The following HTR2B variants were observed in gnomAD, a reference collection of about 807,000 sequenced individuals.
The protein encoded by HTR2B is 5-HT 2B receptor.
A neutral mutation model predicts 39.8 loss-of-function variants in HTR2B; 31 were observed. The observed-to-expected ratio is 0.78, with a 90% CI of 0.58 to 1.05. The LOEUF (loss-of-function observed/expected upper bound fraction) is 1.05. Among genes scored for constraint, HTR2B ranks in the 50% least tolerant of loss-of-function variants. The pLI is 0.00. For synonymous variants in HTR2B, 210 were observed against 207.1 expected, an observed-to-expected ratio of 1.01 and a Z score of -0.12; for missense variants, 562 against 578.0, an observed-to-expected ratio of 0.97 and a Z score of 0.28.
Position 231,108,424 on chromosome 2 carries a change from A to C in HTR2B, c.*93T>G. 1.1e-6 allele frequency: 1 copy of C among 872,066 alleles called. No individual in the cohort carries two copies. 54.0% of individuals were successfully genotyped at this position (872,066 alleles called of 1,614,324 possible). A position where few individuals can be genotyped will look rare whatever the true frequency, so the allele number is the denominator to read the frequency against. Reference sequence around the variant, plus strand: ...GGTTAAAGAGATGATTTGATATATGACATAAAATTCTTTATATAATATATT... The same window carrying C: ...GGTTAAAGAGATGATTTGATATATGCCATAAAATTCTTTATATAATATATT... On this transcript the variant is annotated 3_prime_UTR_variant, in exon 4 of 4. Coordinates refer to ENST00000258400, the MANE Select transcript of HTR2B (RefSeq NM_000867.5).
chr2:231,116,547 A>G (rs1027442118), intron 2 of HTR2B, among the ~76,000 whole-genome samples: 3 of 152,046 alleles, frequency 2.0e-5, no homozygotes, highest in Non-Finnish European at 1.5e-5. Flanking sequence ...TCTAGTTGCC[A>G]TAAGCAGGAA....
chr2:231,123,823 A>C lies in HTR2B; in HGVS notation c.-59T>G. 7.8e-7 allele frequency: 1 copy of C among 1,274,296 alleles called. No individual in the cohort carries two copies. Among genetic ancestry groups the C allele is most frequent in the Non-Finnish European group, 1.1e-6 (1 of 871,510 alleles). The allele number at this position is 1,274,296 out of a possible 1,614,324, so 78.9% of individuals were successfully genotyped here. A position where few individuals can be genotyped will look rare whatever the true frequency, so the allele number is the denominator to read the frequency against. On this transcript the variant is annotated 5_prime_UTR_variant, in exon 2 of 4. It introduces an in-frame stop codon into an upstream open reading frame of the 5' UTR. Coordinates refer to ENST00000258400, the MANE Select transcript of HTR2B (RefSeq NM_000867.5). The stretch of plus-strand genomic sequence containing the variant: ...ACAGTGGTCAGCATGGTTAGTAGCT[A>C]AGCTGCTCATCTGTTTTTTTAAGGC...
At chr2:231,112,813 C>T (rs6437000) in intron 3 of HTR2B, among the ~76,000 whole-genome samples, 1 of 151,876 alleles carries the variant, frequency 6.6e-6, no homozygotes, top group African/African-American at 2.4e-5. Flanking sequence ...TTCTTTTATA[C>T]ATAATTTCTG....
intron 2 of HTR2B, among the ~76,000 whole-genome samples, chr2:231,119,904 C>A (rs1052798299): frequency 6.7e-6 from 1 of 148,516 alleles, no homozygotes; most frequent in Non-Finnish European, 1.5e-5. Flanking sequence ...TATAAATAAA[C>A]CAATAACACC....
chr2:231,115,715 AAG>A (rs1695307779), intron 2 of HTR2B, among the ~76,000 whole-genome samples: 1 of 152,142 alleles, frequency 6.6e-6, no homozygotes, highest in South Asian at 2.1e-4. Flanking sequence ...ATATAGAGGT[AAG>A]GAGGGGAGGC....
At chr2:231,117,537 G>A (rs542256585) in intron 2 of HTR2B, among the ~76,000 whole-genome samples, 1 of 152,178 alleles carries the variant, frequency 6.6e-6, no homozygotes, top group East Asian at 1.9e-4. Context: ...AGTCCTAGAT[G>A]GGTCTTGTCT....
chr2:231,114,815 A>C (rs925393328), intron 2 of HTR2B, among the ~76,000 whole-genome samples: 1 of 152,196 alleles, frequency 6.6e-6, no homozygotes, highest in Non-Finnish European at 1.5e-5. Flanking sequence ...ATGTGAATTT[A>C]ATATATTATG....
chr2:231,113,616 G>T, intron 3 of HTR2B, 113 bp downstream of exon 3: 1 of 882,492 alleles, frequency 1.1e-6, no homozygotes, highest in Non-Finnish European at 1.9e-6. Context: ...TGTATCAGTA[G>T]GCTGGCTTGA....
At position 231,124,141 on chromosome 2, in the gene HTR2B, A is replaced by G. The variant is rs17586428; in HGVS notation, c.-366-11T>C. On this transcript the variant is annotated splice_polypyrimidine_tract_variant and intron_variant, in intron 1 of 3. Coordinates refer to ENST00000258400, the MANE Select transcript of HTR2B (RefSeq NM_000867.5). ...GCCAGAGAGTTCCCCCTAGATACAAAATACATAGACTGCATTATTTTATTC... is the reference window on the plus strand; with the variant it reads ...GCCAGAGAGTTCCCCCTAGATACAAGATACATAGACTGCATTATTTTATTC... 26,806 of 239,364 alleles carry G rather than the reference A, an allele frequency of 0.11. 3,378 individuals are homozygous for G. Among genetic ancestry groups the G allele is most frequent in the African/African-American group, 0.36 (15,628 of 43,854 alleles). The allele number at this position is 239,364 out of a possible 1,614,324, so 14.8% of individuals were successfully genotyped here. A position where few individuals can be genotyped will look rare whatever the true frequency, so the allele number is the denominator to read the frequency against.
rs199853398 is a variant in HTR2B, at chr2:231,124,347, C to G, written c.-366-217G>C. 2.0e-4 allele frequency among the ~76,000 whole-genome samples: 30 copies of G among 152,080 alleles called. No individual in the cohort carries two copies. The East Asian group carries it at 5.8e-3, about 29-fold the overall frequency. On this transcript the variant is annotated intron_variant, in intron 1 of 3. Transcript: ENST00000258400. ...GTTATAATAAAAAGTTAGGTGTTTC[C>G]TGACCCTTGAATGTCTTTTTACCTT...
At chr2:231,120,099 G>A (rs1188851251) in intron 2 of HTR2B, among the ~76,000 whole-genome samples, 4 of 151,658 alleles carry the variant, frequency 2.6e-5, no homozygotes, top group South Asian at 2.1e-4. Flanking sequence ...CTACAGGCGC[G>A]TACCACCATG....
rs751593992 is a variant in HTR2B, at chr2:231,113,876, C to T, written c.406G>A (p.Val136Ile). Residue 136 changes from valine to isoleucine, a missense_variant, in exon 3 of 4, where the codon GTT becomes ATT. Physicochemically the swap from Val to Ile is conservative, Grantham distance 29. Transcript: ENST00000258400. ...VLCPAWLFLDVLFSTASIMHL... is the reference protein window; with the variant it reads ...VLCPAWLFLDILFSTASIMHL... ...ATGATGGATGCGGTTGAAAAGAGAA[C>T]GTCAAGAAATAACCAGGCAGGACAT... The T allele has an allele frequency of 1.7e-5, 28 of 1,613,902 alleles. No homozygotes were observed. Among genetic ancestry groups the T allele is most frequent in the Admixed American group, 6.7e-5 (4 of 59,990 alleles).
chr2:231,108,974 A>G lies in HTR2B; in HGVS notation c.989T>C (p.Phe330Ser). 6.2e-7 allele frequency: 1 copy of G among 1,614,192 alleles called. No individual in the cohort carries two copies. Residue 330 changes from phenylalanine (F) to serine (S), a missense_variant, in exon 4 of 4, where the codon TTT becomes TCT. Physicochemically the swap from Phe to Ser is radical, Grantham distance 155. Transcript: ENST00000258400. ...QRASKVLGIV[F>S]FLFLLMWCPF... ...ACACCACATAAGCAAAAAGAGGAAA[A>G]ACACAATCCCTAGGACCTTTGAGGC...
At chr2:231,121,170 T>A (rs1390434496) in intron 2 of HTR2B, among the ~76,000 whole-genome samples, 1 of 152,206 alleles carries the variant, frequency 6.6e-6, no homozygotes, top group Non-Finnish European at 1.5e-5. Flanking sequence ...AACCCCACTA[T>A]ACAACTTATT....
Position 231,109,269 on chromosome 2 carries a change from T to C in HTR2B, c.694A>G (p.Ile232Val), listed in dbSNP as rs1559233887. 1.2e-6 allele frequency: 2 copies of C among 1,614,160 alleles called. No individual in the cohort carries two copies. The highest frequency in any genetic ancestry group is 1.7e-6 in the Non-Finnish European group (2 of 1,180,016). The stretch of plus-strand genomic sequence containing the variant: ...GTGAGAAAGTAGGTGACAATCATAA[T>C]TGCAAGAGGTGTGAAGAAGGCAGCC... Reference protein sequence around the residue: ...SLAAFFTPLAIMIVTYFLTIH... With the variant: ...SLAAFFTPLAVMIVTYFLTIH... Residue 232 changes from isoleucine (I) to valine (V), a missense_variant, in exon 4 of 4, where the codon ATT becomes GTT. Ile to Val is a conservative substitution (Grantham distance 29). Transcript: ENST00000258400.
At chr2:231,113,684 C>A (rs1467680113) in intron 3 of HTR2B, 45 bp downstream of exon 3, 1 of 1,559,548 alleles carries the variant, frequency 6.4e-7, no homozygotes, top group South Asian at 1.1e-5. Context: ...CCAAGTGGAA[C>A]CAAAGATTTT....
At position 231,108,303 on chromosome 2, in the gene HTR2B, G is replaced by T. The variant is rs1695025390; in HGVS notation, c.*214C>A. 1 of 506,798 alleles carries T rather than the reference G, an allele frequency of 2.0e-6. No homozygotes were observed. The highest frequency in any genetic ancestry group is 3.5e-6 in the Non-Finnish European group (1 of 287,484). 31.4% of individuals were successfully genotyped at this position (506,798 alleles called of 1,614,324 possible). A position where few individuals can be genotyped will look rare whatever the true frequency, so the allele number is the denominator to read the frequency against. Reference sequence around the variant, plus strand: ...TACCTTAAAATTTAACCAGAGTGCTGGATTGTTTTCATTTGTAGCTATATA... The same window carrying T: ...TACCTTAAAATTTAACCAGAGTGCTTGATTGTTTTCATTTGTAGCTATATA... On this transcript the variant is annotated 3_prime_UTR_variant, in exon 4 of 4. Transcript: ENST00000258400.
intron 2 of HTR2B, 24 bp from the exon 3 acceptor site, chr2:231,113,953 A>C (rs761123919): frequency 6.9e-6 from 11 of 1,597,556 alleles, no homozygotes; most frequent in Non-Finnish European, 9.4e-6. Flanking sequence ...AAACAAGACA[A>C]ACATTTTATT....
At chr2:231,113,973 G>GTTT in intron 2 of HTR2B, 44 bp from the exon 3 acceptor site, 2 of 1,533,706 alleles carry the variant, frequency 1.3e-6, no homozygotes, top group Non-Finnish European at 1.8e-6. Flanking sequence ...TCTATAAAAT[G>GTTT]GCAACTTTCA....
Sources: allele counts gnomAD v4.1 joint callset (sites outside exome capture counted in the v4.1 genomes callset), GRCh38; gene constraint gnomAD v4.1.1; transcripts MANE v1.5; gene names NCBI Gene and HGNC (gene_info 2026-07-23, HGNC 2026-07-21).